CDHR4: variants seen among roughly 807,000 people sequenced by gnomAD.
The protein encoded by CDHR4 is cadherin-related family member 4.
CDHR4 carries 89 observed loss-of-function variants against 88.4 expected under a neutral mutation model. The observed-to-expected ratio is 1.01, with a 90% CI of 0.85 to 1.20. The LOEUF (loss-of-function observed/expected upper bound fraction) is 1.20, where lower values mean the gene tolerates loss of function less well. Ranked by LOEUF, CDHR4 falls within the 50% of genes most tolerant of loss-of-function variation. The probability of loss-of-function intolerance (pLI) is 0.00; values close to 1 mark genes in which losing one functional copy is unlikely to be tolerated. For missense variants in CDHR4, 914 were observed against 1,007.2 expected (o/e 0.91, Z 1.25); for synonymous variants, 368 against 399.2 (o/e 0.92, Z 0.93).
rs2081202769 is a variant in CDHR4 at position 49,792,917 on chromosome 3, G to T, written c.1932C>A (p.Thr644=). 1.3e-6 allele frequency: 2 copies of T among 1,551,548 alleles called. No homozygotes were observed. Among genetic ancestry groups the T allele is most frequent in the African/African-American group, 1.4e-5 (1 of 73,164 alleles). Residue 644 remains threonine (T), a synonymous_variant, in exon 14 of 19, where the codon ACC becomes ACA. Transcript: ENST00000412678. ...PSTPHLSTTA[T]IIVHLVPRRA... is the part of the protein sequence containing the mutation. ...TCCGGGGAACTAGATGCACAATAAT[G>T]GTGGCTGTGGTGCTGAGGTGGGGGG...
chr3:49,791,815 C>G lies in CDHR4; in HGVS notation c.2196-14G>C. On this transcript the variant is annotated splice_polypyrimidine_tract_variant and intron_variant, in intron 16 of 18. Transcript: ENST00000412678. ...GTTCCCTGGATGCTGGGGCAAAGTA[C>G]GAGCAAGAGTACAGGGCAAGGCTCT... 1.9e-6 allele frequency: 3 copies of G among 1,551,626 alleles called. No individual in the cohort carries two copies. The highest frequency in any genetic ancestry group is 2.6e-6 in the Non-Finnish European group (3 of 1,146,950).
chr3:49,793,394 G>C (rs1266106317), intron 12 of CDHR4, 83 bp from the exon 13 acceptor site: 16 of 1,492,768 alleles, frequency 1.1e-5, no homozygotes, highest in African/African-American at 1.4e-5. Flanking sequence ...TCTCACCACA[G>C]CCGTAGCCTA....
chr3:49,795,983 C>T lies in CDHR4; in HGVS notation c.670G>A (p.Val224Met). Residue 224 changes from valine to methionine, a missense_variant, in exon 6 of 19, where the codon GTG (valine) becomes ATG (methionine). Physicochemically the swap from Val to Met is conservative, Grantham distance 21 (BLOSUM62 1). Transcript: ENST00000412678. This position sits in a 1 kb window ranked among gnomAD's most constrained non-coding sequence, Gnocchi z 5.4. ...QRQSCQGMVI[V>M]KVLPVPSSQV... ...CTGGAGGGAACAGGCAAAACCTTCA[C>T]TATCACCATCCCTTGGCAGCTTTGC... The T allele has an allele frequency of 6.5e-7, 1 of 1,545,856 alleles. No individual in the cohort carries two copies. Among genetic ancestry groups the T allele is most frequent in the Non-Finnish European group, 8.7e-7 (1 of 1,144,542 alleles).
At chr3:49,797,069 C>T (rs2081282273) in intron 4 of CDHR4, 37 bp from the exon 5 acceptor site, 1 of 1,527,752 alleles carries the variant, frequency 6.5e-7, no homozygotes, top group Non-Finnish European at 8.9e-7. Context: ...ACATTCAGCC[C>T]CCAGTGCCCT....
chr3:49,794,876 G>A, intron 9 of CDHR4, 71 bp downstream of exon 9: 2 of 1,535,686 alleles, frequency 1.3e-6, no homozygotes. Flanking sequence ...TGGTCTCAGA[G>A]ACCCTTGGCC....
At position 49,791,934 on chromosome 3, in the gene CDHR4, T is replaced by C. The variant is rs926388923; in HGVS notation, c.2164A>G (p.Ser722Gly). ...AGCAGCAAAGCCTGGGCTGGTTTGCTGGGTGCTTGCAGCAGCTGGGCCAAC... is the reference window on the plus strand; with the variant it reads ...AGCAGCAAAGCCTGGGCTGGTTTGCCGGGTGCTTGCAGCAGCTGGGCCAAC... ...QGLAQLLQAP[S>G]KPAQALLLNS... The change falls in exon 16 of 19, where the codon AGC (serine) becomes GGC (glycine). Residue 722 changes from serine to glycine, a missense_variant. Transcript: ENST00000412678. 6.4e-6 allele frequency: 10 copies of C among 1,551,596 alleles called. No homozygotes were observed. The Admixed American group carries it at 7.8e-5, about 12-fold the overall frequency.
Position 49,799,237 on chromosome 3 carries a change from A to G in CDHR4, c.240+10T>C. ...GCCCCCACAGTCCCCAGCTGTACACATGACCCTACCTTGCCCACATAGGTC... is the reference window on the plus strand; with the variant it reads ...GCCCCCACAGTCCCCAGCTGTACACGTGACCCTACCTTGCCCACATAGGTC... On this transcript the variant is annotated intron_variant, in intron 2 of 18. Coordinates refer to ENST00000412678, the MANE Select transcript of CDHR4 (RefSeq NM_001007540.4). 3.7e-6 allele frequency: 6 copies of G among 1,613,222 alleles called. No individual in the cohort carries two copies. Among genetic ancestry groups the G allele is most frequent in the African/African-American group, 1.3e-5 (1 of 75,048 alleles).
intron 14 of CDHR4, 38 bp downstream of exon 14, chr3:49,792,816 C>A: frequency 6.7e-7 from 1 of 1,499,990 alleles, no homozygotes; most frequent in African/African-American, 1.4e-5. Context: ...CAAGGTCCAC[C>A]CTTCCCACCC....
In CDHR4 at chr3:49,795,814, G is replaced by GCACA. The variant is rs1380608419; in HGVS notation, c.711-51_711-50insTGTG. ...TCCTGCCCATTCCTGCTCAACCTGT[G>GCACA]GGTCCACAGCTTCCTTCCCTGGGCC... is the stretch of plus-strand genomic sequence containing the variant. On this transcript the variant is annotated intron_variant, in intron 6 of 18. Transcript: ENST00000412678. The surrounding 1 kb of genome is among the most constrained non-coding windows in gnomAD (Gnocchi z 5.4). 12 of 1,548,566 alleles carry GCACA rather than the reference G, an allele frequency of 7.7e-6. No individual in the cohort carries two copies. In the East Asian group the frequency reaches 1.7e-4, roughly 22 times the overall value.
In CDHR4 at chr3:49,797,043, A is replaced by G; in HGVS notation, c.496-11T>C. On this transcript the variant is annotated splice_polypyrimidine_tract_variant and intron_variant, in intron 4 of 18. Transcript: ENST00000412678. ...ACTGATAATGCTCATCTGACAGAAC[A>G]GAGATGCTGGCAACCACATTCAGCC... 6.5e-7 allele frequency: 1 copy of G among 1,550,200 alleles called. No homozygotes were observed. Among genetic ancestry groups the G allele is most frequent in the East Asian group, 2.4e-5 (1 of 40,908 alleles).
chr3:49,793,983 C>A lies in CDHR4; in HGVS notation c.1303G>T (p.Val435Leu). 6.4e-7 allele frequency: 1 copy of A among 1,551,674 alleles called. No individual in the cohort carries two copies. Among genetic ancestry groups the A allele is most frequent in the Non-Finnish European group, 8.7e-7 (1 of 1,147,000 alleles). The change falls in exon 11 of 19, where the codon GTG becomes TTG. Residue 435 changes from valine to leucine, a missense_variant. Transcript: ENST00000412678. Reference protein sequence around the residue: ...MTTEVPVLVMVTPINEFSPAC... With the variant: ...MTTEVPVLVMLTPINEFSPAC... ...GGGGAGAACTCGTTGATGGGTGTCA[C>A]CATCACCAGTACCGGCACCTCAGCT...
upstream of CDHR4, among the ~76,000 whole-genome samples, chr3:49,802,145 TCTTCTC>T (rs772668159): frequency 4.0e-4 from 61 of 150,926 alleles, no homozygotes; most frequent in South Asian, 6.2e-4. Context: ...TCCTTCTCCT[TCTTCTC>T]CTTCTCCTCC....
Position 49,793,578 on chromosome 3 carries a change from A to G in CDHR4, c.1623+5T>C. The G allele has an allele frequency of 6.4e-7, 1 of 1,551,698 alleles. No individual in the cohort carries two copies. Among genetic ancestry groups the G allele is most frequent in the South Asian group, 1.2e-5 (1 of 84,052 alleles). The stretch of plus-strand genomic sequence containing the variant: ...TTTATTTCCAAAGCCTTAGGACGCA[A>G]TTACCTCAACCTCGATGGTAATGGT... On this transcript the variant is annotated splice_donor_5th_base_variant and intron_variant, in intron 12 of 18. Coordinates refer to ENST00000412678, the MANE Select transcript of CDHR4 (RefSeq NM_001007540.4).
At chr3:49,797,289 T>C (rs1375260360) in intron 4 of CDHR4, among the ~76,000 whole-genome samples, 1 of 151,358 alleles carries the variant, frequency 6.6e-6, no homozygotes, top group African/African-American at 2.4e-5. Context: ...TCCTTCTTTC[T>C]TTTTTTTGAG....
At chr3:49,790,964 A>T in intron 18 of CDHR4, 77 bp from the exon 19 acceptor site, 1 of 1,183,852 alleles carries the variant, frequency 8.4e-7, no homozygotes, top group Non-Finnish European at 1.2e-6. Flanking sequence ...CCCTTACTTA[A>T]GGGTAGGAGA....
chr3:49,799,903 T>A (rs2081338146), upstream of CDHR4: 2 of 1,406,042 alleles, frequency 1.4e-6, no homozygotes, highest in South Asian at 1.2e-5. Flanking sequence ...TGCTCAAACA[T>A]AGCTGGGCAG....
At chr3:49,792,123 G>A (rs1472356340) in intron 15 of CDHR4, among the ~76,000 whole-genome samples, 164 bp from the exon 16 acceptor site, 1 of 152,174 alleles carries the variant, frequency 6.6e-6, no homozygotes, top group East Asian at 1.9e-4. Context: ...ATGTCCACAA[G>A]GAACTTCAGA....
At position 49,796,031 on chromosome 3, in the gene CDHR4, T is replaced by C; in HGVS notation, c.622A>G (p.Ile208Val). Residue 208 changes from isoleucine (I) to valine (V), a missense_variant, in exon 6 of 19, where the codon ATC (isoleucine) becomes GTC (valine). Physicochemically the swap from Ile to Val is conservative, Grantham distance 29. Transcript: ENST00000412678. ...TGCCTTTGTCCAAAGGACACTGAGA[T>C]TTGCAGCTGGAAGACCTGTGGTGCA... ...GQAQKVFQLQ[I>V]SVSFGQRQSC... is the part of the protein sequence containing the mutation. 1 of 1,529,130 alleles carries C rather than the reference T, an allele frequency of 6.5e-7. No homozygotes were observed. The highest frequency in any genetic ancestry group is 2.5e-5 in the East Asian group (1 of 40,812). The allele number at this position is 1,529,130 out of a possible 1,614,324, so 94.7% of individuals were successfully genotyped here. A position where few individuals can be genotyped will look rare whatever the true frequency, so the allele number is the denominator to read the frequency against.
upstream of CDHR4, chr3:49,799,958 G>T (rs898335128): frequency 1.4e-6 from 1 of 717,770 alleles, no homozygotes; most frequent in Non-Finnish European, 2.3e-6. Flanking sequence ...CCCATCCCTG[G>T]TGACTGAGTT....
Sources: gnomAD v4.1 joint callset for allele counts (sites outside exome capture counted in the v4.1 genomes callset) on GRCh38, gnomAD v4.1.1 for gene constraint, Gnocchi (gnomAD v3.1) non-coding constraint, MANE v1.5 for transcripts, NCBI Gene and HGNC (gene_info 2026-07-23, HGNC 2026-07-21) for gene names.